Variants in CNTNAP2 observed in about 807,000 individuals in gnomAD.
CNTNAP2 encodes the protein contactin-associated protein-like 2.
In CNTNAP2, 98 loss-of-function variants were observed where a neutral mutation model predicts 155.2. That is an observed-to-expected ratio of 0.63 (90% CI 0.54 to 0.75). The LOEUF (loss-of-function observed/expected upper bound fraction) is 0.75, where lower values mean the gene tolerates loss of function less well. Ranked by LOEUF, CNTNAP2 falls within the 30% of genes least tolerant of loss-of-function variation. CNTNAP2 has a pLI of 0.00. For missense variants in CNTNAP2, 1,727 were observed against 1,688.1 expected (o/e 1.02, Z -0.40); for synonymous variants, 651 against 631.2 (o/e 1.03, Z -0.47).
intron 1 of CNTNAP2, among the ~76,000 whole-genome samples, chr7:146,756,974 C>T (rs1029651352): frequency 7.9e-5 from 12 of 152,052 alleles, no homozygotes; most frequent in Admixed American, 7.2e-4. Flanking sequence ...TTCAATAACT[C>T]AGAATTGTAA....
chr7:147,884,669 T>C (rs1799576442), intron 13 of CNTNAP2, among the ~76,000 whole-genome samples: 1 of 152,238 alleles, frequency 6.6e-6, no homozygotes, highest in African/African-American at 2.4e-5. Context: ...GGGCAAATTT[T>C]AGTGATTTCA....
intron 1 of CNTNAP2, among the ~76,000 whole-genome samples, chr7:146,532,265 A>G (rs916859698): frequency 6.6e-6 from 1 of 152,146 alleles, no homozygotes; most frequent in Admixed American, 6.5e-5. Context: ...TGATTGTAGT[A>G]TTCTACAGAA....
At chr7:147,265,499 C>T (rs1338012960) in intron 8 of CNTNAP2, among the ~76,000 whole-genome samples, 15 of 152,200 alleles carry the variant, frequency 9.9e-5, no homozygotes, top group Admixed American at 9.8e-4. Context: ...AGGGACCAAA[C>T]TCTGATCTTC....
At chr7:146,551,312 C>T (rs1563131356) in intron 1 of CNTNAP2, among the ~76,000 whole-genome samples, 1 of 151,986 alleles carries the variant, frequency 6.6e-6, no homozygotes, top group Non-Finnish European at 1.5e-5. Context: ...CAACAGGCCC[C>T]AGTGTGTGAT....
chr7:147,271,953 C>T (rs1967148), intron 8 of CNTNAP2, among the ~76,000 whole-genome samples: 29,556 of 152,062 alleles, frequency 0.19, 3,113 homozygotes, highest in Non-Finnish European at 0.22. Context: ...AGTGCTATGG[C>T]GCAGTCTTGG....
intron 19 of CNTNAP2, among the ~76,000 whole-genome samples, chr7:148,228,702 C>T (rs1222669971): frequency 8.1e-6 from 1 of 123,748 alleles, no homozygotes; most frequent in Non-Finnish European, 1.9e-5. Flanking sequence ...GTAGCGTGCG[C>T]CTGTAGTCCC....
intron 20 of CNTNAP2, among the ~76,000 whole-genome samples, chr7:148,260,148 C>G (rs1167047305): frequency 6.6e-6 from 1 of 152,112 alleles, no homozygotes; most frequent in Non-Finnish European, 1.5e-5. Flanking sequence ...TTTCCTTAGG[C>G]TTTTCATGTT....
chr7:147,809,071 TG>T (rs1798139548), intron 13 of CNTNAP2, among the ~76,000 whole-genome samples: 1 of 152,120 alleles, frequency 6.6e-6, no homozygotes, highest in South Asian at 2.1e-4. Context: ...CAGTGATTAG[TG>T]ACAACAGCTT....
At chr7:146,719,211 G>A (rs1018212615) in intron 1 of CNTNAP2, among the ~76,000 whole-genome samples, 2 of 152,110 alleles carry the variant, frequency 1.3e-5, no homozygotes, top group Admixed American at 6.6e-5. Flanking sequence ...CTTCGGTCTT[G>A]TTTTATTTGA....
chr7:147,231,555 T>C (rs532820337), intron 8 of CNTNAP2, among the ~76,000 whole-genome samples: 37 of 152,346 alleles, frequency 2.4e-4, no homozygotes, highest in Non-Finnish European at 4.7e-4. Flanking sequence ...CCACTAACAG[T>C]GTACAAGAGT....
intron 1 of CNTNAP2, among the ~76,000 whole-genome samples, chr7:146,540,553 C>T (rs1375350336): frequency 2.0e-5 from 3 of 152,082 alleles, no homozygotes; most frequent in Admixed American, 2.0e-4. Flanking sequence ...CCTCTAATTT[C>T]TTGGCTTCCA....
chr7:147,792,438 G>A (rs1797834880), intron 13 of CNTNAP2, among the ~76,000 whole-genome samples: 1 of 151,888 alleles, frequency 6.6e-6, no homozygotes, highest in Non-Finnish European at 1.5e-5. Flanking sequence ...GCAATATGTG[G>A]CATTTTGTGT....
chr7:146,491,015 C>G (rs978253484), intron 1 of CNTNAP2, among the ~76,000 whole-genome samples: 1 of 151,838 alleles, frequency 6.6e-6, no homozygotes, highest in Non-Finnish European at 1.5e-5. Flanking sequence ...TTTTATTTCT[C>G]TCAATCTTTT....
At chr7:147,893,570 ACT>A (rs1799727587) in intron 13 of CNTNAP2, among the ~76,000 whole-genome samples, 1 of 152,214 alleles carries the variant, frequency 6.6e-6, no homozygotes, top group Non-Finnish European at 1.5e-5. Context: ...TCACAGGGAC[ACT>A]GAGTCTCAAA....
chr7:148,152,479 A>C (rs1301852959), intron 17 of CNTNAP2, among the ~76,000 whole-genome samples: 1 of 152,112 alleles, frequency 6.6e-6, no homozygotes, highest in Non-Finnish European at 1.5e-5. Context: ...TCAAAAGACC[A>C]ATCTTAAGTT....
intron 14 of CNTNAP2, among the ~76,000 whole-genome samples, chr7:147,919,702 C>T (rs1800232954): frequency 6.6e-6 from 1 of 151,628 alleles, no homozygotes. Flanking sequence ...TCGTGATCCG[C>T]CCGCCTCGGC....
intron 11 of CNTNAP2, among the ~76,000 whole-genome samples, chr7:147,514,202 C>T (rs1799074150): frequency 6.6e-6 from 1 of 152,102 alleles, no homozygotes; most frequent in South Asian, 2.1e-4. Flanking sequence ...AAGAACAATA[C>T]AGAACAACCA....
At chr7:146,821,071 A>G (rs1803271517) in intron 2 of CNTNAP2, among the ~76,000 whole-genome samples, 1 of 152,006 alleles carries the variant, frequency 6.6e-6, no homozygotes, top group Admixed American at 6.6e-5. Context: ...TGCACGTGAG[A>G]TGGGTTTCCT....
intron 10 of CNTNAP2, among the ~76,000 whole-genome samples, chr7:147,480,743 T>C (rs932786336): frequency 1.3e-5 from 2 of 152,176 alleles, no homozygotes; most frequent in Non-Finnish European, 2.9e-5. Context: ...TTTCTCCTCC[T>C]ACTCAGCAAC....
Sources: gnomAD v4.1 joint callset for allele counts (sites outside exome capture counted in the v4.1 genomes callset) on GRCh38, gnomAD v4.1.1 for gene constraint, MANE v1.5 for transcripts, NCBI Gene and HGNC (gene_info 2026-07-23, HGNC 2026-07-21) for gene names.